UGT2B15: variants seen among roughly 807,000 people sequenced by gnomAD.
The protein encoded by UGT2B15 is UDP glucuronosyltransferase family 2 member B15.
Under a neutral mutation model 45.9 loss-of-function variants are expected in UGT2B15, and 36 were observed. The ratio of observed to expected loss-of-function variants is 0.78; its 90% CI spans 0.60 to 1.04. The LOEUF (loss-of-function observed/expected upper bound fraction) is 1.04. Among genes scored for constraint, UGT2B15 ranks in the 50% least tolerant of loss-of-function variants. The probability of loss-of-function intolerance (pLI) is 0.00; values close to 1 mark genes in which losing one functional copy is unlikely to be tolerated. For missense variants in UGT2B15, 617 were observed against 622.4 expected, an observed-to-expected ratio of 0.99 and a Z score of 0.09; for synonymous variants, 219 against 216.4, an observed-to-expected ratio of 1.01 and a Z score of -0.11.
chr4:68,652,125 C>T (rs1304784517), intron 5 of UGT2B15, among the ~76,000 whole-genome samples: 1 of 151,898 alleles, frequency 6.6e-6, no homozygotes, highest in Non-Finnish European at 1.5e-5. Context: ...ATTTTATTCT[C>T]TTTGTTGCAA....
chr4:68,654,497 G>A (rs890146795), intron 4 of UGT2B15, among the ~76,000 whole-genome samples: 2 of 151,684 alleles, frequency 1.3e-5, no homozygotes, highest in Admixed American at 6.6e-5. Context: ...ATACAAGAAC[G>A]TGGTCTTTTA....
chr4:68,664,543 T>TA (rs1455415507), intron 2 of UGT2B15, among the ~76,000 whole-genome samples: 1 of 151,826 alleles, frequency 6.6e-6, no homozygotes, highest in African/African-American at 2.4e-5. Context: ...TAAGTATTTT[T>TA]AAAAAATATA....
intron 5 of UGT2B15, among the ~76,000 whole-genome samples, chr4:68,650,995 G>GTTTTTTT (rs376333738): frequency 5.1e-5 from 6 of 117,560 alleles, no homozygotes; most frequent in Admixed American, 9.0e-5. Flanking sequence ...TGATGGTGTT[G>GTTTTTTT]TTTTTTTTTT....
At chr4:68,659,785 T>C (rs1021339975) in intron 3 of UGT2B15, among the ~76,000 whole-genome samples, 4 of 151,944 alleles carry the variant, frequency 2.6e-5, no homozygotes, top group Admixed American at 2.6e-4. Context: ...GACATTAGAA[T>C]GGAAGAAAAA....
In UGT2B15 at chr4:68,670,241, C is replaced by T. The variant is rs200177534; in HGVS notation, c.378G>A (p.Lys126=). The part of the protein sequence containing the change: ...LCWEYYDYSN[K]LCKDAVLNKK... ...TATTCAAAACTGCATCTTTACAGAGCTTGTTACTGTAGTCATAATATTCCC... is the reference window on the plus strand; with the variant it reads ...TATTCAAAACTGCATCTTTACAGAGTTTGTTACTGTAGTCATAATATTCCC... The change falls in exon 1 of 6, where the codon AAG becomes AAA. Residue 126 remains lysine, a synonymous_variant. Transcript: ENST00000338206. The T allele has an allele frequency of 1.9e-5, 30 of 1,613,918 alleles. No individual in the cohort carries two copies. In the Admixed American group the frequency reaches 3.3e-4, roughly 18 times the overall value.
At position 68,647,035 on chromosome 4, in the gene UGT2B15, A is replaced by C. The variant is rs1250722462; in HGVS notation, c.*69T>G. On this transcript the variant is annotated 3_prime_UTR_variant, in exon 6 of 6. Transcript: ENST00000338206. ...CAGGAAAAAGGAAATCCTCCATTTA[A>C]AACCCTCCATGCTGAAATAAAGGAG... The C allele has an allele frequency of 1.3e-6, 2 of 1,534,786 alleles. No homozygotes were observed. Among genetic ancestry groups the C allele is most frequent in the Admixed American group, 4.1e-5 (2 of 48,266 alleles).
chr4:68,670,572 C>T lies in UGT2B15; in HGVS notation c.47G>A (p.Cys16Tyr), dbSNP rs1396369958. ...TSVFLLIQLS[C>Y]YFSSGSCGKV... is the part of the protein sequence containing the mutation. ...TCCACAGCTTCCAGAGCTAAAGTAA[C>T]AACTGAGCTGTATCAGCAGAAAGAC... The change falls in exon 1 of 6, where the codon TGT becomes TAT. Residue 16 changes from cysteine (C) to tyrosine (Y), a missense_variant. Cys to Tyr is a radical substitution (Grantham distance 194). This residue lies in a region of UGT2B15 where 351 missense variants were observed against 342.1 expected (regional missense o/e 1.03). Coordinates refer to ENST00000338206, the MANE Select transcript of UGT2B15 (RefSeq NM_001076.4). 24 of 1,601,206 alleles carry T rather than the reference C, an allele frequency of 1.5e-5. No individual in the cohort carries two copies. Among genetic ancestry groups the T allele is most frequent in the Non-Finnish European group, 2.0e-5 (23 of 1,177,092 alleles).
chr4:68,654,980 ATTTG>A, intron 4 of UGT2B15, 111 bp downstream of exon 4: 1 of 1,306,510 alleles, frequency 7.7e-7, no homozygotes, highest in East Asian at 2.3e-5. Context: ...GTTAAATTTG[ATTTG>A]TTTTTTAGTT....
rs1173177689 is a variant in UGT2B15, at chr4:68,669,993, A to C, written c.626T>G (p.Met209Arg). 4 of 1,613,922 alleles carry C rather than the reference A, an allele frequency of 2.5e-6. No individual in the cohort carries two copies. The South Asian group carries it at 4.4e-5, about 18-fold the overall frequency. Residue 209 changes from methionine (M) to arginine (R), a missense_variant, in exon 1 of 6, where the codon ATG (methionine) becomes AGG (arginine). Around this residue, in one of 3 missense-constraint regions of UGT2B15, gnomAD observed 351 missense variants for 342.1 expected, o/e 1.03. Coordinates refer to ENST00000338206, the MANE Select transcript of UGT2B15 (RefSeq NM_001076.4). Reference protein sequence around the residue: ...MSELSDQMIFMERIKNMIHML... With the variant: ...MSELSDQMIFRERIKNMIHML... ...ATGTATCATATTTTTTATCCTCTCC[A>C]TGAAAATCATTTGATCACTTAATTC...
rs72551392 is a variant in UGT2B15 at position 68,670,110 on chromosome 4, A to G, written c.509T>C (p.Leu170Pro). The G allele has an allele frequency of 1.8e-3, 2,838 of 1,614,162 alleles. 43 individuals are homozygous for G. The African/African-American group carries it at 0.028, about 16-fold the overall frequency. ...LLAELFNIPF[L>P]YSLRFSVGYT... The stretch of plus-strand genomic sequence containing the variant: ...GCCAACAGAGAATCGAAGACTGTAC[A>G]GAAAGGGTATGTTAAATAGTTCAGC... The change falls in exon 1 of 6, where the codon CTG becomes CCG. Residue 170 changes from leucine (L) to proline (P), a missense_variant. Around this residue, in one of 3 missense-constraint regions of UGT2B15, gnomAD observed 351 missense variants for 342.1 expected, o/e 1.03. Coordinates refer to ENST00000338206, the MANE Select transcript of UGT2B15 (RefSeq NM_001076.4).
rs1733193980 is a variant in UGT2B15, at chr4:68,668,090, C to A, written c.823G>T (p.Val275Phe). Residue 275 changes from valine (V) to phenylalanine (F), a missense_variant, in exon 2 of 6, where the codon GTT becomes TTT. Physicochemically the swap from Val to Phe is conservative, Grantham distance 50. Around this residue, in one of 3 missense-constraint regions of UGT2B15, gnomAD observed 351 missense variants for 342.1 expected, o/e 1.03. Coordinates refer to ENST00000338206, the MANE Select transcript of UGT2B15 (RefSeq NM_001076.4). ...CAGTGAAGTCCTCCAACAAAATCAA[C>A]ATTTGGTAAGAATGGGCGAGGAAAT... Reference protein sequence around the residue: ...FEFPRPFLPNVDFVGGLHCKP... With the variant: ...FEFPRPFLPNFDFVGGLHCKP... 6.2e-7 allele frequency: 1 copy of A among 1,613,818 alleles called. No individual in the cohort carries two copies. Among genetic ancestry groups the A allele is most frequent in the Non-Finnish European group, 8.5e-7 (1 of 1,179,938 alleles).
chr4:68,665,568 T>C (rs1416221211), intron 2 of UGT2B15, among the ~76,000 whole-genome samples: 2 of 152,186 alleles, frequency 1.3e-5, no homozygotes, highest in Non-Finnish European at 1.5e-5. Context: ...ATAAAGGCAA[T>C]GCCTATATGC....
At position 68,655,083 on chromosome 4, in the gene UGT2B15, C is replaced by G. The variant is rs140200245; in HGVS notation, c.1093+12G>C. ...TACTAATATATTCACTGTTTGTTCT[C>G]CAGAATCTTACCAAGAAGGTCATTC... On this transcript the variant is annotated intron_variant, in intron 4 of 5. Transcript: ENST00000338206. 9.7e-4 allele frequency: 1,568 copies of G among 1,611,794 alleles called. 19 individuals are homozygous for G. The African/African-American group carries it at 0.019, about 19-fold the overall frequency.
chr4:68,668,274 G>T, intron 1 of UGT2B15, 86 bp from the exon 2 acceptor site: 1 of 1,580,166 alleles, frequency 6.3e-7, no homozygotes, highest in Non-Finnish European at 8.6e-7. Flanking sequence ...GAAAGGACTT[G>T]GAATAACATA....
chr4:68,646,908 T>A lies in UGT2B15; in HGVS notation c.*196A>T, dbSNP rs186076104. ...TTCCCCCCATTGTATTTTTCATAGC[T>A]TAAAAATCATTGACATAGAATAATT... On this transcript the variant is annotated 3_prime_UTR_variant, in exon 6 of 6. Coordinates refer to ENST00000338206, the MANE Select transcript of UGT2B15 (RefSeq NM_001076.4). 3.0e-3 allele frequency: 2,420 copies of A among 801,944 alleles called. 9 individuals carry two copies. Among genetic ancestry groups the A allele is most frequent in the Non-Finnish European group, 4.0e-3 (2,183 of 544,464 alleles). The allele number at this position is 801,944 out of a possible 1,614,324, so 49.7% of individuals were successfully genotyped here. A position where few individuals can be genotyped will look rare whatever the true frequency, so the allele number is the denominator to read the frequency against.
Position 68,655,164 on chromosome 4 carries a change from C to T in UGT2B15, c.1024G>A (p.Gly342Ser), listed in dbSNP as rs779446832. The change falls in exon 4 of 6, where the codon GGC becomes AGC. Residue 342 changes from glycine to serine, a missense_variant. Coordinates refer to ENST00000338206, the MANE Select transcript of UGT2B15 (RefSeq NM_001076.4). ...IPQKVLWRFD[G>S]KKPNTLGSNT... ...GAACCTAAAGTATTTGGCTTCTTGC[C>T]ATCAAATCTCCATAGAACCTGTTAG... 6 of 1,613,296 alleles carry T rather than the reference C, an allele frequency of 3.7e-6. No individual in the cohort carries two copies. The highest frequency in any genetic ancestry group is 5.1e-6 in the Non-Finnish European group (6 of 1,179,580).
intron 2 of UGT2B15, among the ~76,000 whole-genome samples, chr4:68,667,737 G>C (rs1264274028): frequency 6.6e-6 from 1 of 152,108 alleles, no homozygotes; most frequent in East Asian, 1.9e-4. Flanking sequence ...CCTGTGGTTT[G>C]TATTAATCAC....
At chr4:68,660,498 T>TA (rs1469357852) in intron 3 of UGT2B15, among the ~76,000 whole-genome samples, 2 of 151,650 alleles carry the variant, frequency 1.3e-5, no homozygotes, top group Non-Finnish European at 2.9e-5. Context: ...CCTATGTAAA[T>TA]AAAAAATTAT....
At chr4:68,665,846 A>G (rs1733103286) in intron 2 of UGT2B15, among the ~76,000 whole-genome samples, 1 of 152,192 alleles carries the variant, frequency 6.6e-6, no homozygotes, top group Middle Eastern at 3.4e-3. Context: ...CAGGAGTTCA[A>G]GACCAGCCTG....
Sources: gnomAD v4.1 joint callset for allele counts (sites outside exome capture counted in the v4.1 genomes callset) on GRCh38, gnomAD v4.1.1 for gene constraint, gnomAD v4.1.1 regional missense constraint, MANE v1.5 for transcripts, NCBI Gene and HGNC (gene_info 2026-07-23, HGNC 2026-07-21) for gene names.